SFMBT2: variants seen among roughly 807,000 people sequenced by gnomAD.
SFMBT2 encodes Scm like with four mbt domains 2, also known as scm-like with four MBT domains protein 2.
A neutral mutation model predicts 110.1 loss-of-function variants in SFMBT2; 38 were observed. That is an observed-to-expected ratio of 0.35 (90% CI 0.27 to 0.45). The LOEUF (loss-of-function observed/expected upper bound fraction) is 0.45, where lower values mean the gene tolerates loss of function less well. Among genes scored for constraint, SFMBT2 ranks in the 20% least tolerant of loss-of-function variants. SFMBT2 has a pLI of 1.00. For synonymous variants in SFMBT2, 425 were observed against 425.4 expected, an observed-to-expected ratio of 1.00 and a Z score of 0.01; for missense variants, 1,011 against 1,094.9, an observed-to-expected ratio of 0.92 and a Z score of 1.08.
chr10:7,300,848 G>A (rs1842537459), intron 4 of SFMBT2, among the ~76,000 whole-genome samples: 1 of 152,204 alleles, frequency 6.6e-6, no homozygotes, highest in Non-Finnish European at 1.5e-5. Context: ...GTCATTAGCT[G>A]CAAACTCCAA....
At chr10:7,281,022 C>G (rs1841937334) in intron 6 of SFMBT2, among the ~76,000 whole-genome samples, 1 of 152,164 alleles carries the variant, frequency 6.6e-6, no homozygotes, top group Non-Finnish European at 1.5e-5. Flanking sequence ...GGGCAGGTCA[C>G]CTGAGCTCAG....
intron 1 of SFMBT2, among the ~76,000 whole-genome samples, chr10:7,400,683 C>G (rs1846054385): frequency 6.6e-6 from 1 of 152,234 alleles, no homozygotes; most frequent in African/African-American, 2.4e-5. Context: ...GGCCGAACTT[C>G]TTTTCCTTTT....
intron 2 of SFMBT2, among the ~76,000 whole-genome samples, chr10:7,371,288 A>C (rs1229636670): frequency 1.3e-5 from 2 of 151,854 alleles, no homozygotes; most frequent in African/African-American, 2.4e-5. Flanking sequence ...CACGCCCAAC[A>C]AATTTTTGTA....
intron 7 of SFMBT2, among the ~76,000 whole-genome samples, chr10:7,267,245 T>C (rs1292295218): frequency 6.6e-6 from 1 of 152,210 alleles, no homozygotes; most frequent in African/African-American, 2.4e-5. Context: ...TCTGGTTTTC[T>C]GGACTTCACC....
At chr10:7,349,468 C>CG (rs1223364850) in intron 4 of SFMBT2, among the ~76,000 whole-genome samples, 4 of 7,602 alleles carry the variant, frequency 5.3e-4, no homozygotes, top group African/African-American at 9.6e-4. Context: ...TTTTTTTTTG[C>CG]GGGGGGGAGA....
At chr10:7,197,795 G>A (rs72773853) in intron 14 of SFMBT2, 108 bp from the exon 15 acceptor site, 186,502 of 1,438,786 alleles carry the variant, frequency 0.13, 12,803 homozygotes, top group African/African-American at 0.18. Context: ...ACCACACAGA[G>A]CTGTCCGAGG....
chr10:7,319,670 CAGAG>C, intron 4 of SFMBT2, among the ~76,000 whole-genome samples: 2 of 146,764 alleles, frequency 1.4e-5, no homozygotes, highest in African/African-American at 5.0e-5. Flanking sequence ...GAGAGAGAGA[CAGAG>C]AGAGACAAAG....
rs1175708110 is a variant in SFMBT2, at chr10:7,367,208, T to C, written c.436+441A>G. ...CCTGCTTAAGACACTCTGTTACTGT[T>C]CAAATGTCGACTTGCTAAAGCAGAA... On this transcript the variant is annotated intron_variant, in intron 4 of 20. Coordinates refer to ENST00000397167, the MANE Select transcript of SFMBT2 (RefSeq NM_001387889.1). This position sits in a 1 kb window ranked among gnomAD's most constrained non-coding sequence, Gnocchi z 6.2. 6.6e-6 allele frequency among the ~76,000 whole-genome samples: 1 copy of C among 152,136 alleles called. No homozygotes were observed. Among genetic ancestry groups the C allele is most frequent in the Non-Finnish European group, 1.5e-5 (1 of 68,026 alleles).
chr10:7,253,706 T>C (rs1471456363), intron 7 of SFMBT2, among the ~76,000 whole-genome samples: 2 of 152,028 alleles, frequency 1.3e-5, no homozygotes, highest in Non-Finnish European at 2.9e-5. Context: ...TAGCCACATA[T>C]CTTATCCTAC....
At chr10:7,398,792 T>C (rs920314043) in intron 1 of SFMBT2, among the ~76,000 whole-genome samples, 3 of 152,236 alleles carry the variant, frequency 2.0e-5, no homozygotes, top group Non-Finnish European at 4.4e-5. Flanking sequence ...GTAAACCTTA[T>C]ATTCCCCAAA....
At chr10:7,385,262 A>G (rs1397180558) in intron 1 of SFMBT2, among the ~76,000 whole-genome samples, 1 of 152,178 alleles carries the variant, frequency 6.6e-6, no homozygotes, top group Non-Finnish European at 1.5e-5. Context: ...CGCGGTTATG[A>G]GATGACAGGA....
chr10:7,318,908 G>A (rs1426776191), intron 4 of SFMBT2, among the ~76,000 whole-genome samples: 1 of 152,204 alleles, frequency 6.6e-6, no homozygotes, highest in Non-Finnish European at 1.5e-5. Context: ...AGTAAACCAT[G>A]CAATTATCTG....
chr10:7,342,528 C>G (rs1022267257), intron 4 of SFMBT2, among the ~76,000 whole-genome samples: 2 of 151,192 alleles, frequency 1.3e-5, no homozygotes, highest in African/African-American at 2.4e-5. Context: ...CCTGCCTCAG[C>G]CTCCCGAGCA....
At chr10:7,378,758 G>C (rs1342473467) in intron 2 of SFMBT2, among the ~76,000 whole-genome samples, 27 of 144,028 alleles carry the variant, frequency 1.9e-4, no homozygotes. Context: ...TGTGAGTGTG[G>C]GTGTGTCGCT....
Position 7,219,707 on chromosome 10 carries a change from G to GA in SFMBT2, c.1330+703dup, listed in dbSNP as rs57270305. ...ACTACTGAGTATTATGAAATCCTAG[G>GA]AAAAAAAACCAAAGAATTATAAATC... On this transcript the variant is annotated intron_variant, in intron 11 of 20. Transcript: ENST00000397167. The GA allele has an allele frequency of 4.3e-5, 16 of 372,870 alleles. 1 individual carries two copies. Among genetic ancestry groups the GA allele is most frequent in the Non-Finnish European group, 5.2e-5 (14 of 270,098 alleles). 23.1% of individuals were successfully genotyped at this position (372,870 alleles called of 1,614,324 possible).
intron 1 of SFMBT2, among the ~76,000 whole-genome samples, chr10:7,386,718 C>T (rs937699088): frequency 4.6e-5 from 7 of 152,170 alleles, no homozygotes; most frequent in South Asian, 2.1e-4. Context: ...GAGCTTCTGT[C>T]GCTCCAAAGA....
intron 2 of SFMBT2, among the ~76,000 whole-genome samples, chr10:7,377,263 T>C (rs959379959): frequency 3.3e-5 from 5 of 151,938 alleles, no homozygotes; most frequent in Admixed American, 6.6e-5. Context: ...GGAAAAACTT[T>C]AGTCACTTGA....
intron 7 of SFMBT2, 57 bp from the exon 8 acceptor site, chr10:7,248,706 A>G (rs1840702518): frequency 6.6e-7 from 1 of 1,516,758 alleles, no homozygotes; most frequent in South Asian, 1.1e-5. Flanking sequence ...GACCTCAGCC[A>G]CTGTCCGGAT....
intron 1 of SFMBT2, among the ~76,000 whole-genome samples, chr10:7,385,955 G>A (rs1382871610): frequency 3.9e-5 from 6 of 152,026 alleles, no homozygotes; most frequent in African/African-American, 7.2e-5. Flanking sequence ...AGCCCAGATC[G>A]TGCCACTGCA....
Sources: allele counts gnomAD v4.1 joint callset (sites outside exome capture counted in the v4.1 genomes callset), GRCh38; gene constraint gnomAD v4.1.1; non-coding constraint Gnocchi (gnomAD v3.1); transcripts MANE v1.5; gene names NCBI Gene and HGNC (gene_info 2026-07-23, HGNC 2026-07-21).